Variants in TENM2 observed in about 807,000 individuals in gnomAD.
TENM2 encodes the protein teneurin-2.
A neutral mutation model predicts 245.2 loss-of-function variants in TENM2; 52 were observed. The observed-to-expected ratio is 0.21, with a 90% CI of 0.17 to 0.27. TENM2 has a LOEUF of 0.27. Among genes scored for constraint, TENM2 ranks in the 10% least tolerant of loss-of-function variants. TENM2 has a pLI of 1.00. For missense variants in TENM2, 3,046 were observed against 3,666.8 expected (o/e 0.83, Z 4.37); for synonymous variants, 1,363 against 1,438.9 (o/e 0.95, Z 1.19).
chr5:167,972,783 AT>A (rs997168599), intron 4 of TENM2, among the ~76,000 whole-genome samples: 26 of 151,932 alleles, frequency 1.7e-4, no homozygotes, highest in African/African-American at 5.6e-4. Context: ...AATTAAGAGG[AT>A]TTTTTTTCAA....
chr5:167,665,976 C>A lies in TENM2; in HGVS notation c.503-210010C>A, dbSNP rs370670276. On this transcript the variant is annotated intron_variant, in intron 2 of 28. Coordinates refer to ENST00000518659, the Ensembl canonical transcript of TENM2. ...TAGCTGATAACTTCCACTTCAGTAA[C>A]CTCTGATTCCACTACTTGAAATGCT... 4.7e-4 allele frequency among the ~76,000 whole-genome samples: 71 copies of A among 152,326 alleles called. No individual in the cohort carries two copies. The South Asian group carries it at 0.015, about 31-fold the overall frequency.
At chr5:167,929,073 GAAAGAAAGAAAGAAAGAA>G in intron 3 of TENM2, among the ~76,000 whole-genome samples, 1 of 37,016 alleles carries the variant, frequency 2.7e-5, no homozygotes, top group African/African-American at 1.5e-4. Flanking sequence ...AAGAAAGAAA[GAAAGAAAGAAAGAAAGAA>G]AGAAAGAAAG....
At chr5:167,952,408 C>T (rs1421287717) in intron 3 of TENM2, 180 bp from the exon 6 acceptor site, 9 of 605,212 alleles carry the variant, frequency 1.5e-5, no homozygotes, top group South Asian at 1.2e-4. Flanking sequence ...AATCAAAGCC[C>T]ATTATTTATT....
At chr5:167,449,737 C>A (rs1042676090) in intron 2 of TENM2, among the ~76,000 whole-genome samples, 6 of 152,144 alleles carry the variant, frequency 3.9e-5, no homozygotes, top group Non-Finnish European at 8.8e-5. Flanking sequence ...GTGGGTGGAT[C>A]ACCTAAGGCC....
chr5:168,067,243 A>T (rs113157039), intron 7 of TENM2, among the ~76,000 whole-genome samples: 3 of 152,316 alleles, frequency 2.0e-5, no homozygotes, highest in African/African-American at 7.2e-5. Flanking sequence ...GATTCTAGGG[A>T]TTGAATGGCG....
At chr5:168,101,009 G>A (rs1390439814) in intron 9 of TENM2, among the ~76,000 whole-genome samples, 1 of 152,046 alleles carries the variant, frequency 6.6e-6, no homozygotes, top group Non-Finnish European at 1.5e-5. Context: ...AGCTCTCTGG[G>A]CTGTGCCAGG....
At position 167,540,354 on chromosome 5, in the gene TENM2, CAT is replaced by C. The variant is rs148421162; in HGVS notation, c.502+164882_502+164883del. ...GGACTCCAGGCCAAATTCAGCCAGA[CAT>C]GTGTGTGTTTTTGTACAGCTGTAAA... On this transcript the variant is annotated intron_variant, in intron 2 of 28. Transcript: ENST00000518659. 1.6e-3 allele frequency among the ~76,000 whole-genome samples: 248 copies of C among 152,240 alleles called. 6 individuals carry two copies. The South Asian group carries it at 0.026, about 16-fold the overall frequency.
rs78474099 is a variant in TENM2, at chr5:168,004,521, A to G, written c.1186+11339A>G. Among the ~76,000 whole-genome samples the G allele has an allele frequency of 9.4e-3, 500 of 52,934 alleles. 1 individual carries two copies. Among genetic ancestry groups the G allele is most frequent in the African/African-American group, 0.014 (286 of 19,954 alleles). The allele number at this position is 52,934 out of a possible 152,430, so 34.7% of individuals were successfully genotyped here. ...GATGCACGCATGCGCGCGCGCGCAC[A>G]CACACACACACACACACACACACAC... On this transcript the variant is annotated intron_variant, in intron 5 of 28. Coordinates refer to ENST00000518659, the Ensembl canonical transcript of TENM2.
At chr5:168,202,052 A>T (rs554793011) in intron 17 of TENM2, among the ~76,000 whole-genome samples, 28 of 152,184 alleles carry the variant, frequency 1.8e-4, no homozygotes, top group Non-Finnish European at 3.5e-4. Context: ...AGAGGCACCT[A>T]AAGTCAAGTT....
chr5:167,967,916 C>G (rs1862415), intron 4 of TENM2, among the ~76,000 whole-genome samples: 1 of 152,148 alleles, frequency 6.6e-6, no homozygotes, highest in South Asian at 2.1e-4. Context: ...CTTGATGAAG[C>G]GCAAGTCCTT....
chr5:167,217,359 G>T, the TENM2 span, among the ~76,000 whole-genome samples: 35 of 152,236 alleles, frequency 2.3e-4, no homozygotes, highest in South Asian at 6.4e-3. Context: ...AGGTTTCTCA[G>T]TATTTAAAAT....
intron 2 of TENM2, among the ~76,000 whole-genome samples, chr5:167,609,880 G>A (rs1777356021): frequency 6.6e-6 from 1 of 152,076 alleles, no homozygotes; most frequent in Admixed American, 6.6e-5. Flanking sequence ...CCCCAGCTGG[G>A]AGTTCTATAA....
intron 5 of TENM2, among the ~76,000 whole-genome samples, chr5:168,014,908 G>A (rs560385458): frequency 2.7e-4 from 41 of 152,348 alleles, no homozygotes; most frequent in African/African-American, 9.4e-4. Context: ...TGAGGCTGAA[G>A]TGCTGTTTCC....
chr5:168,223,064 A>G (rs1763807154), intron 23 of TENM2, among the ~76,000 whole-genome samples: 1 of 152,232 alleles, frequency 6.6e-6, no homozygotes, highest in Non-Finnish European at 1.5e-5. Flanking sequence ...TTGCAAAAAG[A>G]CCTACATCTG....
At chr5:167,473,855 G>A (rs978805069) in intron 2 of TENM2, among the ~76,000 whole-genome samples, 1 of 152,122 alleles carries the variant, frequency 6.6e-6, no homozygotes, top group Non-Finnish European at 1.5e-5. Flanking sequence ...GTTCAGGACT[G>A]GAGCAGTACC....
chr5:167,675,450 C>A (rs1291684094), intron 2 of TENM2, among the ~76,000 whole-genome samples: 1 of 152,074 alleles, frequency 6.6e-6, no homozygotes, highest in East Asian at 1.9e-4. Flanking sequence ...CTGATGCACA[C>A]CTTGAAAGGC....
the TENM2 span, among the ~76,000 whole-genome samples, chr5:167,043,782 C>T: frequency 6.6e-6 from 1 of 152,090 alleles, no homozygotes; most frequent in Non-Finnish European, 1.5e-5. Flanking sequence ...GAGGCCGAGG[C>T]GTGATCCGAG....
At chr5:167,104,137 C>A in the TENM2 span, among the ~76,000 whole-genome samples, 813 of 151,456 alleles carry the variant, frequency 5.4e-3, 7 homozygotes, top group African/African-American at 0.019. Context: ...ATTTTCATAC[C>A]CACTCTGCCT....
chr5:167,338,678 G>T (rs899976149), intron 1 of TENM2, among the ~76,000 whole-genome samples: 2 of 152,170 alleles, frequency 1.3e-5, no homozygotes, highest in African/African-American at 4.8e-5. Context: ...TACCTTGCTT[G>T]CTATGTATTA....
Sources: gnomAD v4.1 joint callset for allele counts (sites outside exome capture counted in the v4.1 genomes callset) on GRCh38, gnomAD v4.1.1 for gene constraint, MANE v1.5 for transcripts, NCBI Gene and HGNC (gene_info 2026-07-23, HGNC 2026-07-21) for gene names.